CPVL: variants seen among roughly 807,000 people sequenced by gnomAD.
CPVL encodes probable serine carboxypeptidase CPVL.
Under a neutral mutation model 63.7 loss-of-function variants are expected in CPVL, and 51 were observed. The observed-to-expected ratio is 0.80, with a 90% CI of 0.64 to 1.01. The LOEUF is 1.01. Ranked by LOEUF, CPVL falls within the 50% of genes least tolerant of loss-of-function variation. CPVL has a pLI of 0.00. For synonymous variants in CPVL, 195 were observed against 206.0 expected (o/e 0.95, Z 0.46); for missense variants, 530 against 573.1 (o/e 0.92, Z 0.77).
At chr7:29,170,972 C>T (rs772495189) in intron 5 of CPVL, among the ~76,000 whole-genome samples, 71 of 152,042 alleles carry the variant, frequency 4.7e-4, no homozygotes, top group Non-Finnish European at 8.1e-4. Flanking sequence ...TTACCTCCCA[C>T]GGGGTCCCTC....
At chr7:29,019,411 T>C (rs1166276496) in intron 12 of CPVL, among the ~76,000 whole-genome samples, 4 of 152,134 alleles carry the variant, frequency 2.6e-5, no homozygotes, top group Admixed American at 6.5e-5. Context: ...TGAAGGCTGG[T>C]GGGAGCTGTG....
chr7:29,001,939 G>A (rs909413321), intron 12 of CPVL, among the ~76,000 whole-genome samples: 1 of 152,104 alleles, frequency 6.6e-6, no homozygotes, highest in Non-Finnish European at 1.5e-5. Context: ...GAAAACAATA[G>A]AAGCTGAATT....
rs150687942 is a variant in CPVL, at chr7:29,063,634, G to A, written c.1137+427C>T. ...TGCCCAGGCTGGAGTGCAATGTTGC[G>A]ATCTTGGCTCACTGCAACCTCTGCC... is the stretch of plus-strand genomic sequence containing the variant. On this transcript the variant is annotated intron_variant, in intron 11 of 12. Transcript: ENST00000265394. 8.5e-3 allele frequency among the ~76,000 whole-genome samples: 1,288 copies of A among 152,084 alleles called. 17 individuals carry two copies. The highest frequency in any genetic ancestry group is 0.029 in the African/African-American group (1,211 of 41,466).
chr7:29,003,219 CAG>C (rs556868396), intron 12 of CPVL, among the ~76,000 whole-genome samples: 69 of 151,382 alleles, frequency 4.6e-4, no homozygotes, highest in African/African-American at 1.6e-3. Flanking sequence ...AAAGCAAAGA[CAG>C]AGAAAATCTT....
At chr7:29,086,661 T>C in intron 6 of CPVL, 111 bp from the exon 7 acceptor site, 4 of 776,408 alleles carry the variant, frequency 5.2e-6, no homozygotes, top group Non-Finnish European at 9.1e-6. Flanking sequence ...ACACTTGAAA[T>C]AAGATACCAC....
chr7:29,142,514 A>G (rs1187732282), intron 1 of CPVL, among the ~76,000 whole-genome samples: 1 of 141,990 alleles, frequency 7.0e-6, no homozygotes, highest in Admixed American at 7.5e-5. Flanking sequence ...TCCTCCTTCT[A>G]TGACTTCCAG....
At chr7:29,144,630 C>T (rs1195867153) in intron 1 of CPVL, among the ~76,000 whole-genome samples, 1 of 152,098 alleles carries the variant, frequency 6.6e-6, no homozygotes, top group African/African-American at 2.4e-5. Context: ...CTGATGATAC[C>T]TGGGGCAAGA....
intron 12 of CPVL, chr7:29,009,315 C>T (rs1396150702): frequency 1.3e-5 from 2 of 151,638 alleles, no homozygotes; most frequent in Non-Finnish European, 2.9e-5. Flanking sequence ...GAACTAGAGG[C>T]AAGTCCAAGT....
intron 5 of CPVL, among the ~76,000 whole-genome samples, chr7:29,164,880 T>TTA (rs1371533254): frequency 1.3e-5 from 2 of 152,142 alleles, no homozygotes; most frequent in African/African-American, 4.8e-5. Context: ...TTTCTAAACT[T>TTA]TCTAGAGTGT....
At chr7:29,147,492 G>A (rs1792917569), upstream of CPVL, among the ~76,000 whole-genome samples, 1 of 152,184 alleles carries the variant, frequency 6.6e-6, no homozygotes. Context: ...CTAGTTTTAC[G>A]AGCTGGAACA....
chr7:29,075,959 T>TTTTG (rs1436444444), intron 7 of CPVL, among the ~76,000 whole-genome samples: 1 of 147,798 alleles, frequency 6.8e-6, no homozygotes, highest in Non-Finnish European at 1.5e-5. Context: ...TGAGATAGTT[T>TTTTG]TTTTTTTTTT....
chr7:29,143,650 T>C (rs770136935), intron 1 of CPVL, among the ~76,000 whole-genome samples: 85 of 149,944 alleles, frequency 5.7e-4, no homozygotes, highest in South Asian at 4.2e-4. Context: ...GTAAATATTT[T>C]GGCCTGTAAA....
chr7:29,016,462 C>A (rs1162278497), intron 12 of CPVL, among the ~76,000 whole-genome samples: 1 of 152,092 alleles, frequency 6.6e-6, no homozygotes, highest in African/African-American at 2.4e-5. Context: ...TGTCATAGAC[C>A]CCCTCCAATT....
In CPVL at chr7:29,094,095, C is replaced by T. The variant is rs371983595; in HGVS notation, c.462+989G>A. Reference sequence around the variant, plus strand: ...GTAGCTCATGCCTATAATCCCAGCACTTTGGGAGGCTGAGGTGGGCGGATC... The same window carrying T: ...GTAGCTCATGCCTATAATCCCAGCATTTTGGGAGGCTGAGGTGGGCGGATC... On this transcript the variant is annotated intron_variant, in intron 5 of 12. Coordinates refer to ENST00000265394, the MANE Select transcript of CPVL (RefSeq NM_031311.5). Among the ~76,000 whole-genome samples, 5 of 152,292 alleles carry T rather than the reference C, an allele frequency of 3.3e-5. No individual in the cohort carries two copies. In the East Asian group the frequency reaches 7.7e-4, roughly 24 times the overall value.
intron 3 of CPVL, among the ~76,000 whole-genome samples, chr7:29,097,664 C>T (rs933418559): frequency 2.0e-5 from 3 of 152,196 alleles, no homozygotes; most frequent in South Asian, 2.1e-4. Flanking sequence ...CCACTGTACT[C>T]AAGCCTGGGC....
intron 5 of CPVL, among the ~76,000 whole-genome samples, chr7:29,169,943 C>T (rs1250729949): frequency 6.6e-6 from 1 of 151,868 alleles, no homozygotes; most frequent in Non-Finnish European, 1.5e-5. Context: ...GTGGCGCCAT[C>T]ATAGCTCATT....
chr7:29,146,884 G>A (rs537612985), upstream of CPVL: 2 of 1,551,210 alleles, frequency 1.3e-6, no homozygotes, highest in South Asian at 2.4e-5. Context: ...CATTTGGAAA[G>A]CGAGTGGTGT....
Position 29,164,376 on chromosome 7 carries a change from A to T in CPVL, c.-11+16914T>A, listed in dbSNP as rs546318521. 4.6e-5 allele frequency among the ~76,000 whole-genome samples: 7 copies of T among 152,292 alleles called. No individual in the cohort carries two copies. In the South Asian group the frequency reaches 1.5e-3, roughly 32 times the overall value. On this transcript the variant is annotated intron_variant, in intron 5 of 16. Coordinates refer to the CPVL transcript ENST00000409850. ...TTATTAAGTTGTAAGGGTTTATTTT[A>T]TATAAAATGCAAACCCTTCATAAAA... is the stretch of plus-strand genomic sequence containing the variant.
chr7:29,112,608 T>G, intron 3 of CPVL, 96 bp downstream of exon 3: 4 of 741,394 alleles, frequency 5.4e-6, no homozygotes. Flanking sequence ...CTATGAGATT[T>G]TTTTTTAAAG....
Sources: allele counts gnomAD v4.1 joint callset (sites outside exome capture counted in the v4.1 genomes callset), GRCh38; gene constraint gnomAD v4.1.1; transcripts MANE v1.5; gene names NCBI Gene and HGNC (gene_info 2026-07-23, HGNC 2026-07-21).